The following ESYT1 variants were observed in gnomAD, a reference collection of about 807,000 sequenced individuals.
ESYT1 encodes the protein extended synaptotagmin 1, also known as extended synaptotagmin-1.
In ESYT1, 116 loss-of-function variants were observed where a neutral mutation model predicts 154.2. The observed-to-expected ratio is 0.75, with a 90% CI of 0.65 to 0.88. The LOEUF (loss-of-function observed/expected upper bound fraction) is 0.88, where lower values mean the gene tolerates loss of function less well. Ranked by LOEUF, ESYT1 falls within the 40% of genes least tolerant of loss-of-function variation. The pLI, the probability that ESYT1 is intolerant of heterozygous loss-of-function variation, is 0.00. For missense variants in ESYT1, 1,264 were observed against 1,379.3 expected, an observed-to-expected ratio of 0.92 and a Z score of 1.32; for synonymous variants, 500 against 539.9, an observed-to-expected ratio of 0.93 and a Z score of 1.02.
intron 9 of ESYT1, 34 bp downstream of exon 9, chr12:56,132,631 A>G: frequency 6.2e-7 from 1 of 1,614,014 alleles, no homozygotes; most frequent in Non-Finnish European, 8.5e-7. Context: ...GAAATGGGGA[A>G]GCCCCAGGAG....
chr12:56,128,869 C>A, intron 1 of ESYT1, 160 bp downstream of exon 1: 1 of 863,614 alleles, frequency 1.2e-6, no homozygotes, highest in South Asian at 1.7e-5. Context: ...CTGGACGCGC[C>A]ACTCTTGGAA....
chr12:56,134,026 G>A, intron 13 of ESYT1, 84 bp from the exon 14 acceptor site: 2 of 1,575,936 alleles, frequency 1.3e-6, no homozygotes, highest in Non-Finnish European at 1.7e-6. Flanking sequence ...TCAGGGAAAG[G>A]ATTCTGATGC....
At position 56,144,491 on chromosome 12, in the gene ESYT1, A is replaced by C. The variant is rs1400083197; in HGVS notation, c.*629A>C. On this transcript the variant is annotated 3_prime_UTR_variant, in exon 31 of 31. Coordinates refer to ENST00000394048, the MANE Select transcript of ESYT1 (RefSeq NM_015292.3). ...TCAAGCCTCCAAGTAGTGGCATATC[A>C]GTCTTGGAGCTCCTAGCTGGTGATA... The C allele has an allele frequency of 5.1e-6, 5 of 985,988 alleles. No homozygotes were observed. Among genetic ancestry groups the C allele is most frequent in the Non-Finnish European group, 6.0e-6 (5 of 830,454 alleles). 61.1% of individuals were successfully genotyped at this position (985,988 alleles called of 1,614,324 possible). A position where few individuals can be genotyped will look rare whatever the true frequency, so the allele number is the denominator to read the frequency against.
intron 14 of ESYT1, 32 bp from the exon 15 acceptor site, chr12:56,134,310 A>G (rs1565874001): frequency 1.9e-5 from 30 of 1,607,980 alleles, no homozygotes; most frequent in Non-Finnish European, 2.2e-5. Context: ...GTGCTGTGGT[A>G]TACACCCTTA....
intron 15 of ESYT1, 102 bp from the exon 16 acceptor site, chr12:56,136,642 T>G: frequency 9.7e-7 from 1 of 1,027,844 alleles, no homozygotes; most frequent in Non-Finnish European, 1.3e-6. Context: ...AGGTTTGTGA[T>G]TGGTACAGAG....
At position 56,143,235 on chromosome 12, in the gene ESYT1, T is replaced by A. The variant is rs1474500588; in HGVS notation, c.3127T>A (p.Trp1043Arg). The A allele has an allele frequency of 6.2e-7, 1 of 1,614,048 alleles. No individual in the cohort carries two copies. Among genetic ancestry groups the A allele is most frequent in the East Asian group, 2.2e-5 (1 of 44,886 alleles). The change falls in exon 29 of 31, where the codon TGG (tryptophan) becomes AGG (arginine). Residue 1043 changes from tryptophan to arginine, a missense_variant. Trp to Arg is a moderately radical substitution (Grantham distance 101). Transcript: ENST00000394048. ...LSPEFNERFE[W>R]ELPLDEAQRR... ...CATCCAGTCCTACCCCAGGTTTGAGTGGGAACTCCCCCTGGATGAGGCCCA... is the reference window on the plus strand; with the variant it reads ...CATCCAGTCCTACCCCAGGTTTGAGAGGGAACTCCCCCTGGATGAGGCCCA...
chr12:56,141,657 G>A (rs887439702), intron 24 of ESYT1, among the ~76,000 whole-genome samples: 9 of 152,152 alleles, frequency 5.9e-5, no homozygotes, highest in East Asian at 3.9e-4. Flanking sequence ...GGAGAATGGC[G>A]TGAACCCAGG....
intron 24 of ESYT1, among the ~76,000 whole-genome samples, chr12:56,141,278 T>A (rs987257086): frequency 6.6e-6 from 1 of 152,068 alleles, no homozygotes; most frequent in Non-Finnish European, 1.5e-5. Context: ...TAGCAGGGAA[T>A]CAATAGATAC....
At position 56,139,593 on chromosome 12, in the gene ESYT1, ATTT is replaced by A. The variant is rs760999686; in HGVS notation, c.2592+596_2592+598del. On this transcript the variant is annotated intron_variant, in intron 24 of 30. Coordinates refer to ENST00000394048, the MANE Select transcript of ESYT1 (RefSeq NM_015292.3). ...AGATGACCCCTGAGCTTGAGGGTAG[ATTT>A]TTTTTTTTTTTTTTTGAGACTAGAG... Among the ~76,000 whole-genome samples, 22 of 122,964 alleles carry A rather than the reference ATTT, an allele frequency of 1.8e-4. No individual in the cohort carries two copies. In the East Asian group the frequency reaches 4.2e-3, roughly 23 times the overall value. The allele number at this position is 122,964 out of a possible 152,430, so 80.7% of individuals were successfully genotyped here. A position where few individuals can be genotyped will look rare whatever the true frequency, so the allele number is the denominator to read the frequency against.
chr12:56,143,857 T>G lies in ESYT1; in HGVS notation c.3310T>G (p.Ser1104Ala). The G allele has an allele frequency of 6.2e-7, 1 of 1,613,906 alleles. No homozygotes were observed. Among genetic ancestry groups the G allele is most frequent in the Non-Finnish European group, 8.5e-7 (1 of 1,179,924 alleles). ...DLMDNKDKGS[S>A] is the part of the protein sequence containing the mutation. ...GATGGACAACAAGGACAAGGGCAGCTCCTAGGAGCTGGCGAGTCCCAGCCT... is the reference window on the plus strand; with the variant it reads ...GATGGACAACAAGGACAAGGGCAGCGCCTAGGAGCTGGCGAGTCCCAGCCT... Residue 1104 changes from serine to alanine, a missense_variant, in exon 31 of 31, where the codon TCC becomes GCC. Transcript: ENST00000394048.
Position 56,131,063 on chromosome 12 carries a change from G to C in ESYT1, c.591G>C (p.Lys197Asn). The C allele has an allele frequency of 6.2e-7, 1 of 1,614,140 alleles. No homozygotes were observed. The highest frequency in any genetic ancestry group is 1.3e-5 in the African/African-American group (1 of 75,018). The change falls in exon 4 of 31, where the codon AAG becomes AAC. Residue 197 changes from lysine (K) to asparagine (N), a missense_variant. Lys to Asn is a moderately conservative substitution (Grantham distance 94). Transcript: ENST00000394048. ...GEKPLRIIGV[K>N]VHPGQRKEQI... is the part of the protein sequence containing the mutation. ...AGCCATTGCGCATCATTGGAGTCAA[G>C]GTTCACCCAGGTCAGAGAAAAGAGC...
chr12:56,132,531 T>C lies in ESYT1; in HGVS notation c.1095T>C (p.Gly365=). 1 of 1,614,204 alleles carries C rather than the reference T, an allele frequency of 6.2e-7. No homozygotes were observed. Among genetic ancestry groups the C allele is most frequent in the African/African-American group, 1.3e-5 (1 of 75,048 alleles). Residue 365 remains glycine (G), a synonymous_variant, in exon 9 of 31, where the codon GGT becomes GGC. Transcript: ENST00000394048. ...ACCCATATGCACTTGTGCGTTTGGG[T>C]ACCCAGACATTCTGCAGTCGTGTCA... ...KSDPYALVRL[G]TQTFCSRVID...
chr12:56,131,522 C>A lies in ESYT1; in HGVS notation c.760C>A (p.Leu254Ile). The A allele has an allele frequency of 6.2e-7, 1 of 1,614,146 alleles. No individual in the cohort carries two copies. The change falls in exon 6 of 31, where the codon CTT becomes ATT. Residue 254 changes from leucine to isoleucine, a missense_variant. By Grantham distance (5) the Leu-to-Ile change is conservative. Coordinates refer to ENST00000394048, the MANE Select transcript of ESYT1 (RefSeq NM_015292.3). ...RVILEPLIGD[L>I]PFVGAVSMFF... Reference sequence around the variant, plus strand: ...GATACTGGAGCCACTCATTGGGGACCTTCCCTTCGTGGGGGCTGTGTCAAT... The same window carrying A: ...GATACTGGAGCCACTCATTGGGGACATTCCCTTCGTGGGGGCTGTGTCAAT...
At position 56,143,896 on chromosome 12, in the gene ESYT1, T is replaced by A; in HGVS notation, c.*34T>A. On this transcript the variant is annotated 3_prime_UTR_variant, in exon 31 of 31. Coordinates refer to ENST00000394048, the MANE Select transcript of ESYT1 (RefSeq NM_015292.3). The stretch of plus-strand genomic sequence containing the variant: ...GAGTCCCAGCCTGACTGCTCTGTCT[T>A]CCTGCCTTCGTCTCGCTCCATCACC... 2 of 1,613,452 alleles carry A rather than the reference T, an allele frequency of 1.2e-6. No individual in the cohort carries two copies. The highest frequency in any genetic ancestry group is 8.5e-7 in the Non-Finnish European group (1 of 1,179,856).
chr12:56,136,636 TTG>T, intron 15 of ESYT1, 106 bp from the exon 16 acceptor site: 1 of 951,648 alleles, frequency 1.1e-6, no homozygotes, highest in Non-Finnish European at 1.4e-6. Flanking sequence ...AGCAGGAGGT[TTG>T]TGATTGGTAC....
At chr12:56,137,175 C>G in intron 16 of ESYT1, 43 bp from the exon 17 acceptor site, 1 of 1,609,758 alleles carries the variant, frequency 6.2e-7, no homozygotes, top group Non-Finnish European at 8.5e-7. Context: ...CTGCTGGTGA[C>G]GAGCTGCACT....
At position 56,128,501 on chromosome 12, in the gene ESYT1, G is replaced by A. The variant is rs1204347849; in HGVS notation, c.182G>A (p.Arg61Gln). Residue 61 changes from arginine to glutamine, a missense_variant, in exon 1 of 31, where the codon CGG (arginine) becomes CAG (glutamine). Transcript: ENST00000394048. ...GCGGTGCTGACTTCATTCGGGAGGC[G>A]GTTGCTGGTGCTGATACCTGTGTAT... ...ALAVLTSFGR[R>Q]LLVLIPVYLA... 3.7e-6 allele frequency: 6 copies of A among 1,611,432 alleles called. No homozygotes were observed. The Admixed American group carries it at 5.0e-5, about 14-fold the overall frequency.
In ESYT1 at chr12:56,133,883, G is replaced by A. The variant is rs775769664; in HGVS notation, c.1473+10G>A. 2.7e-5 allele frequency: 43 copies of A among 1,613,628 alleles called. No individual in the cohort carries two copies. Among genetic ancestry groups the A allele is most frequent in the Admixed American group, 8.3e-5 (5 of 59,998 alleles). ...GGCCCAGGATCTTCCTGTGAGTTTG[G>A]CTGGGTGAACAGGAGCCCTGGATGT... On this transcript the variant is annotated intron_variant, in intron 13 of 30. Transcript: ENST00000394048.
rs764227103 is a variant in ESYT1, at chr12:56,136,740, G to A, written c.1633-4G>A. On this transcript the variant is annotated splice_region_variant and splice_polypyrimidine_tract_variant and intron_variant, in intron 15 of 30. Coordinates refer to ENST00000394048, the MANE Select transcript of ESYT1 (RefSeq NM_015292.3). ...CACTACAGTCCTTCCTCCTGTGCCT[G>A]TAGGTGAAGGATGATTCCAGGGCCC... 1.3e-6 allele frequency: 2 copies of A among 1,597,684 alleles called. No homozygotes were observed. The highest frequency in any genetic ancestry group is 1.3e-5 in the African/African-American group (1 of 74,354).
Sources: gnomAD v4.1 joint callset for allele counts (sites outside exome capture counted in the v4.1 genomes callset) on GRCh38, gnomAD v4.1.1 for gene constraint, MANE v1.5 for transcripts, NCBI Gene and HGNC (gene_info 2026-07-23, HGNC 2026-07-21) for gene names.